MARCHF1: variants seen among roughly 807,000 people sequenced by gnomAD.
MARCHF1 encodes the protein E3 ubiquitin-protein ligase MARCHF1.
Under a neutral mutation model 54.2 loss-of-function variants are expected in MARCHF1, and 40 were observed. The observed-to-expected ratio is 0.74, with a 90% CI of 0.57 to 0.96. The LOEUF (loss-of-function observed/expected upper bound fraction) is 0.96, where lower values mean the gene tolerates loss of function less well. MARCHF1 is among the 40% of genes least tolerant of loss of function. The pLI, the probability that MARCHF1 is intolerant of heterozygous loss-of-function variation, is 0.00. For missense variants in MARCHF1, 586 were observed against 656.5 expected, an observed-to-expected ratio of 0.89 and a Z score of 1.17; for synonymous variants, 236 against 236.3, an observed-to-expected ratio of 1.00 and a Z score of 0.01.
intron 1 of MARCHF1, among the ~76,000 whole-genome samples, chr4:164,257,331 T>A (rs994297002): frequency 6.6e-6 from 1 of 152,066 alleles, no homozygotes; most frequent in African/African-American, 2.4e-5. Flanking sequence ...TTTTCTTGTT[T>A]CTCTTATGAA....
chr4:163,631,760 G>A (rs975987972), intron 5 of MARCHF1, among the ~76,000 whole-genome samples: 1 of 152,172 alleles, frequency 6.6e-6, no homozygotes, highest in Non-Finnish European at 1.5e-5. Flanking sequence ...ATTTGGCAAT[G>A]ATTTCTTACA....
chr4:163,684,662 G>A (rs996532599), intron 5 of MARCHF1, among the ~76,000 whole-genome samples: 1 of 152,110 alleles, frequency 6.6e-6, no homozygotes, highest in Admixed American at 6.5e-5. Context: ...CATTGCTTAA[G>A]TACTCAATAG....
intron 1 of MARCHF1, among the ~76,000 whole-genome samples, chr4:164,199,627 C>T (rs187712566): frequency 3.6e-4 from 48 of 132,324 alleles, no homozygotes; most frequent in Non-Finnish European, 6.4e-4. Flanking sequence ...CAGAGCAGGA[C>T]TCTGTCACAC....
intron 5 of MARCHF1, among the ~76,000 whole-genome samples, chr4:163,648,429 A>G (rs1365052404): frequency 2.0e-5 from 3 of 149,038 alleles, no homozygotes; most frequent in Admixed American, 6.8e-5. Flanking sequence ...GTGAATCAGC[A>G]ATTTTAAGAC....
rs569027293 is a variant in MARCHF1, at chr4:164,029,520, A to C, written c.-247-40811T>G. 3.3e-4 allele frequency among the ~76,000 whole-genome samples: 51 copies of C among 152,270 alleles called. No homozygotes were observed. In the South Asian group the frequency reaches 9.9e-3, roughly 30 times the overall value. On this transcript the variant is annotated intron_variant, in intron 2 of 9. Coordinates refer to ENST00000514618, the MANE Select transcript of MARCHF1 (RefSeq NM_001394959.1). ...CAGGGACACAGATCCACACCATATC[A>C]AGATTTAGTAAAATGCTTTATTTCT...
chr4:164,017,503 T>C (rs972694270), intron 2 of MARCHF1, among the ~76,000 whole-genome samples: 4 of 152,012 alleles, frequency 2.6e-5, no homozygotes, highest in African/African-American at 7.2e-5. Flanking sequence ...AAGATGTCAA[T>C]TGTATTTATA....
chr4:164,178,303 T>C (rs1226083857), intron 1 of MARCHF1, among the ~76,000 whole-genome samples: 1 of 152,146 alleles, frequency 6.6e-6, no homozygotes, highest in African/African-American at 2.4e-5. Flanking sequence ...CTGCTCAACC[T>C]TGATACATCC....
intron 5 of MARCHF1, among the ~76,000 whole-genome samples, chr4:163,640,694 A>T (rs964790048): frequency 1.3e-5 from 2 of 152,162 alleles, no homozygotes; most frequent in Non-Finnish European, 2.9e-5. Context: ...TATATCCACC[A>T]AGTTAGATGA....
rs144003697 is a variant in MARCHF1, at chr4:163,693,177, T to C, written c.162+7636A>G. On this transcript the variant is annotated intron_variant, in intron 5 of 9. Coordinates refer to ENST00000514618, the MANE Select transcript of MARCHF1 (RefSeq NM_001394959.1). ...ATAATCTGAATGCTTTGTTAGGATA[T>C]CTGTGTCCCAGAGAGTAGGAAATAA... Among the ~76,000 whole-genome samples, 3 of 151,540 alleles carry C rather than the reference T, an allele frequency of 2.0e-5. 1 individual carries two copies. The highest frequency in any genetic ancestry group is 7.3e-5 in the African/African-American group (3 of 41,226).
chr4:164,043,578 G>C (rs906373971), intron 2 of MARCHF1, among the ~76,000 whole-genome samples: 1 of 152,046 alleles, frequency 6.6e-6, no homozygotes, highest in Non-Finnish European at 1.5e-5. Flanking sequence ...CTGCTGTAAA[G>C]GTCCTTGAAT....
In MARCHF1 at chr4:164,109,978, T is replaced by C. The variant is rs534303309; in HGVS notation, c.-248+1610A>G. On this transcript the variant is annotated intron_variant, in intron 2 of 9. Coordinates refer to ENST00000514618, the MANE Select transcript of MARCHF1 (RefSeq NM_001394959.1). ...CACTGATAGAACTGCACAGGTCATATGCAACACCAGATCTCTTTGCCATTG... is the reference window on the plus strand; with the variant it reads ...CACTGATAGAACTGCACAGGTCATACGCAACACCAGATCTCTTTGCCATTG... Among the ~76,000 whole-genome samples, 11 of 144,376 alleles carry C rather than the reference T, an allele frequency of 7.6e-5. No individual in the cohort carries two copies. In the East Asian group the frequency reaches 1.6e-3, roughly 21 times the overall value. The allele number at this position is 144,376 out of a possible 152,430, so 94.7% of individuals were successfully genotyped here. A position where few individuals can be genotyped will look rare whatever the true frequency, so the allele number is the denominator to read the frequency against.
chr4:163,811,361 T>C (rs1031251308), intron 4 of MARCHF1, among the ~76,000 whole-genome samples: 1 of 152,136 alleles, frequency 6.6e-6, no homozygotes, highest in African/African-American at 2.4e-5. Context: ...TTCCTAAATA[T>C]TTTGTCTTAA....
intron 4 of MARCHF1, among the ~76,000 whole-genome samples, 195 bp from the exon 5 acceptor site, chr4:163,701,058 T>A (rs184488891): frequency 5.9e-5 from 9 of 152,292 alleles, no homozygotes; most frequent in Admixed American, 5.9e-4. Flanking sequence ...TATATATTAG[T>A]GTACTTTAAA....
intron 1 of MARCHF1, among the ~76,000 whole-genome samples, chr4:164,300,595 A>G (rs1734530564): frequency 6.6e-6 from 1 of 152,062 alleles, no homozygotes; most frequent in African/African-American, 2.4e-5. Flanking sequence ...CACCCAAGCT[A>G]TAGGGGAGTG....
chr4:163,789,656 A>G (rs139869159), intron 4 of MARCHF1, among the ~76,000 whole-genome samples: 3,626 of 152,188 alleles, frequency 0.024, 52 homozygotes, highest in Non-Finnish European at 0.032. Context: ...GCATTTTAAC[A>G]AATATATCAG....
intron 2 of MARCHF1, among the ~76,000 whole-genome samples, chr4:163,991,154 T>C (rs1463767708): frequency 6.6e-6 from 1 of 152,188 alleles, no homozygotes; most frequent in East Asian, 1.9e-4. Flanking sequence ...TTTCTTAGAG[T>C]ATTTTACATG....
At chr4:164,182,471 G>T (rs1257610483) in intron 1 of MARCHF1, among the ~76,000 whole-genome samples, 1 of 151,906 alleles carries the variant, frequency 6.6e-6, no homozygotes, top group Non-Finnish European at 1.5e-5. Flanking sequence ...AACTTGCAAA[G>T]AAATATAAGT....
At position 164,011,311 on chromosome 4, in the gene MARCHF1, A is replaced by C. The variant is rs530741659; in HGVS notation, c.-247-22602T>G. On this transcript the variant is annotated intron_variant, in intron 2 of 9. Coordinates refer to ENST00000514618, the MANE Select transcript of MARCHF1 (RefSeq NM_001394959.1). ...AAAGCTTCTGCACAGCAAAGGATAC[A>C]ATCAACAAACTGAAGAGACAACCCG... Among the ~76,000 whole-genome samples, 12 of 152,288 alleles carry C rather than the reference A, an allele frequency of 7.9e-5. No homozygotes were observed. The East Asian group carries it at 2.1e-3, about 27-fold the overall frequency.
intron 1 of MARCHF1, among the ~76,000 whole-genome samples, chr4:164,371,285 T>C (rs1465419966): frequency 2.6e-5 from 4 of 152,170 alleles, no homozygotes; most frequent in African/African-American, 9.7e-5. Flanking sequence ...ACCATAATGC[T>C]AAACATGTTA....
Sources: allele counts gnomAD v4.1 joint callset (sites outside exome capture counted in the v4.1 genomes callset), GRCh38; gene constraint gnomAD v4.1.1; transcripts MANE v1.5; gene names NCBI Gene and HGNC (gene_info 2026-07-23, HGNC 2026-07-21).